The following SLC44A1 variants were observed in gnomAD, a reference collection of about 807,000 sequenced individuals.
The protein encoded by SLC44A1 is choline transporter-like protein 1.
In SLC44A1, 26 loss-of-function variants were observed where a neutral mutation model predicts 79.3. The ratio of observed to expected loss-of-function variants is 0.33; its 90% CI spans 0.24 to 0.46. The LOEUF (loss-of-function observed/expected upper bound fraction) is 0.46. Among genes scored for constraint, SLC44A1 ranks in the 20% least tolerant of loss-of-function variants. The pLI is 1.00. For synonymous variants in SLC44A1, 263 were observed against 286.2 expected (o/e 0.92, Z 0.82); for missense variants, 688 against 798.1 (o/e 0.86, Z 1.66).
chr9:105,386,105 C>A (rs1376443748), intron 15 of SLC44A1: 1 of 984,496 alleles, frequency 1.0e-6, no homozygotes, highest in Admixed American at 6.2e-5. Context: ...AGTCTTCTCC[C>A]AGTTTAATTG....
intron 15 of SLC44A1, among the ~76,000 whole-genome samples, chr9:105,427,614 T>C (rs2131522565): frequency 6.6e-6 from 1 of 152,294 alleles, no homozygotes; most frequent in East Asian, 1.9e-4. Context: ...TATTCCCTTT[T>C]ATTAAACTTT....
chr9:105,418,858 A>G (rs1416876631), intron 15 of SLC44A1, among the ~76,000 whole-genome samples: 1 of 152,216 alleles, frequency 6.6e-6, no homozygotes, highest in Non-Finnish European at 1.5e-5. Flanking sequence ...CTCATTGGCC[A>G]AGTCAACAGC....
intron 15 of SLC44A1, among the ~76,000 whole-genome samples, chr9:105,412,525 G>C (rs951134745): frequency 2.0e-5 from 3 of 152,094 alleles, no homozygotes; most frequent in African/African-American, 7.2e-5. Context: ...ACCAAGGTCT[G>C]GGCACAATAT....
At chr9:105,352,690 AG>A (rs1400206295) in intron 5 of SLC44A1, among the ~76,000 whole-genome samples, 13 of 152,338 alleles carry the variant, frequency 8.5e-5, no homozygotes, top group Admixed American at 4.6e-4. Context: ...AAGATACTAA[AG>A]TAGAAATGAT....
intron 1 of SLC44A1, among the ~76,000 whole-genome samples, chr9:105,278,894 AT>A (rs1830279710): frequency 2.0e-5 from 3 of 152,172 alleles, no homozygotes; most frequent in Non-Finnish European, 1.5e-5. Context: ...TGAAAACATT[AT>A]TATGCTGAGA....
rs1828715717 is a variant in SLC44A1 at position 105,389,716 on chromosome 9, T to C, written c.*660T>C. The C allele has an allele frequency of 7.8e-7, 1 of 1,277,382 alleles. No homozygotes were observed. Among genetic ancestry groups the C allele is most frequent in the African/African-American group, 1.5e-5 (1 of 65,574 alleles). The allele number at this position is 1,277,382 out of a possible 1,614,324, so 79.1% of individuals were successfully genotyped here. A position where few individuals can be genotyped will look rare whatever the true frequency, so the allele number is the denominator to read the frequency against. On this transcript the variant is annotated 3_prime_UTR_variant, in exon 16 of 16. Coordinates refer to ENST00000374720, the MANE Select transcript of SLC44A1 (RefSeq NM_080546.5). Reference sequence around the variant, plus strand: ...TATTTGTAGTTTACCCTAACGCTTCTTTAAAAGAAAGTAGGTAAAAAAAGA... The same window carrying C: ...TATTTGTAGTTTACCCTAACGCTTCCTTAAAAGAAAGTAGGTAAAAAAAGA...
At chr9:105,317,863 A>G (rs1447401917) in intron 3 of SLC44A1, among the ~76,000 whole-genome samples, 1 of 152,190 alleles carries the variant, frequency 6.6e-6, no homozygotes, top group Non-Finnish European at 1.5e-5. Flanking sequence ...TCCTCAGAGC[A>G]GCCCAGTAGA....
chr9:105,273,310 T>C (rs1830120490), intron 1 of SLC44A1, among the ~76,000 whole-genome samples: 1 of 152,114 alleles, frequency 6.6e-6, no homozygotes, highest in Non-Finnish European at 1.5e-5. Context: ...TTTATTACAG[T>C]AAGTTTGATT....
At chr9:105,415,248 A>T (rs1829152263) in intron 15 of SLC44A1, among the ~76,000 whole-genome samples, 2 of 152,230 alleles carry the variant, frequency 1.3e-5, no homozygotes, top group African/African-American at 4.8e-5. Context: ...AGTTTTGAGA[A>T]ATCAGTGTTT....
chr9:105,362,244 G>A (rs888725265), intron 8 of SLC44A1, among the ~76,000 whole-genome samples: 3 of 152,212 alleles, frequency 2.0e-5, no homozygotes, highest in Non-Finnish European at 4.4e-5. Flanking sequence ...TTTTTATTGA[G>A]CATCAGAAAC....
chr9:105,304,955 T>TTTTTTTTTG, intron 2 of SLC44A1, among the ~76,000 whole-genome samples: 1 of 68,930 alleles, frequency 1.5e-5, no homozygotes, highest in Non-Finnish European at 2.6e-5. Flanking sequence ...TTTTTTTTTT[T>TTTTTTTTTG]TTTTTTTTTT....
chr9:105,418,658 G>A (rs1402836320), intron 15 of SLC44A1, among the ~76,000 whole-genome samples: 1 of 152,066 alleles, frequency 6.6e-6, no homozygotes, highest in Non-Finnish European at 1.5e-5. Flanking sequence ...CACTAGATGT[G>A]GGCCACAACC....
chr9:105,274,254 T>G (rs971893431), intron 1 of SLC44A1, among the ~76,000 whole-genome samples: 8 of 152,222 alleles, frequency 5.3e-5, no homozygotes, highest in African/African-American at 1.9e-4. Flanking sequence ...TTGCAATATA[T>G]CTTTTCTATC....
At position 105,391,793 on chromosome 9, in the gene SLC44A1, G is replaced by C; in HGVS notation, c.*2737G>C. ...AACAGAAATTTCTCTGTGAAATGTG[G>C]ATACCCGAATAATTTCATAAATCAT... On this transcript the variant is annotated 3_prime_UTR_variant, in exon 16 of 16. Coordinates refer to ENST00000374720, the MANE Select transcript of SLC44A1 (RefSeq NM_080546.5). 1.0e-6 allele frequency: 1 copy of C among 985,266 alleles called. No individual in the cohort carries two copies. Among genetic ancestry groups the C allele is most frequent in the South Asian group, 4.7e-5 (1 of 21,274 alleles). The allele number at this position is 985,266 out of a possible 1,614,324, so 61.0% of individuals were successfully genotyped here.
chr9:105,353,017 A>G (rs1056279255), intron 5 of SLC44A1, among the ~76,000 whole-genome samples: 4 of 152,132 alleles, frequency 2.6e-5, no homozygotes, highest in Non-Finnish European at 5.9e-5. Flanking sequence ...ATTTCATCTT[A>G]TTTTTGAATA....
chr9:105,340,118 C>A (rs1156396286), intron 4 of SLC44A1, among the ~76,000 whole-genome samples: 1 of 152,148 alleles, frequency 6.6e-6, no homozygotes, highest in African/African-American at 2.4e-5. Context: ...ATCTGTTGTA[C>A]CACAATATGC....
chr9:105,273,810 GTC>G (rs1282226677), intron 1 of SLC44A1, among the ~76,000 whole-genome samples: 1 of 151,864 alleles, frequency 6.6e-6, no homozygotes, highest in African/African-American at 2.4e-5. Context: ...AACAATATGT[GTC>G]TGAGTTTTTT....
intron 15 of SLC44A1, among the ~76,000 whole-genome samples, chr9:105,408,707 G>C (rs556379330): frequency 6.6e-6 from 1 of 152,054 alleles, no homozygotes; most frequent in Non-Finnish European, 1.5e-5. Context: ...CACCGCACCC[G>C]GCCTGTCACT....
chr9:105,279,938 A>T (rs189677113), intron 1 of SLC44A1, among the ~76,000 whole-genome samples: 51 of 152,338 alleles, frequency 3.3e-4, no homozygotes, highest in African/African-American at 1.1e-3. Context: ...AAAAAATCCC[A>T]TTTATCAAAG....
Sources: allele counts gnomAD v4.1 joint callset (sites outside exome capture counted in the v4.1 genomes callset), GRCh38; gene constraint gnomAD v4.1.1; transcripts MANE v1.5; gene names NCBI Gene and HGNC (gene_info 2026-07-23, HGNC 2026-07-21).